BCAS3: variants seen among roughly 807,000 people sequenced by gnomAD.
BCAS3 encodes BCAS4/BCAS3 fusion.
In BCAS3, 53 loss-of-function variants were observed where a neutral mutation model predicts 116.1. That is an observed-to-expected ratio of 0.46 (90% CI 0.37 to 0.57). The LOEUF is 0.57. Among genes scored for constraint, BCAS3 ranks in the 20% least tolerant of loss-of-function variants. The probability of loss-of-function intolerance (pLI) is 0.00; values close to 1 mark genes in which losing one functional copy is unlikely to be tolerated. For synonymous variants in BCAS3, 391 were observed against 408.2 expected (o/e 0.96, Z 0.51); for missense variants, 917 against 1,165.4 (o/e 0.79, Z 3.10).
chr17:61,004,603 A>G lies in BCAS3; in HGVS notation c.1487-11148A>G, dbSNP rs979945878. ...GGACAACAAGACAGGGATCAGGGCTATACCAGGATTATGCACAGAAGTAGA... is the reference window on the plus strand; with the variant it reads ...GGACAACAAGACAGGGATCAGGGCTGTACCAGGATTATGCACAGAAGTAGA... On this transcript the variant is annotated intron_variant, in intron 15 of 23. Coordinates refer to ENST00000407086, the MANE Select transcript of BCAS3 (RefSeq NM_017679.5). This position sits in a 1 kb window ranked among gnomAD's most constrained non-coding sequence, Gnocchi z 4.8. 7.9e-5 allele frequency among the ~76,000 whole-genome samples: 12 copies of G among 152,180 alleles called. No homozygotes were observed. Among genetic ancestry groups the G allele is most frequent in the African/African-American group, 2.9e-4 (12 of 41,448 alleles).
intron 5 of BCAS3, among the ~76,000 whole-genome samples, chr17:60,733,035 A>G (rs1045019478): frequency 6.6e-6 from 1 of 152,308 alleles, no homozygotes; most frequent in South Asian, 2.1e-4. Context: ...TCATTCATCA[A>G]TTTATTCATT....
At chr17:61,280,066 T>G (rs1438184238) in intron 22 of BCAS3, among the ~76,000 whole-genome samples, 1 of 152,150 alleles carries the variant, frequency 6.6e-6, no homozygotes, top group Admixed American at 6.5e-5. Flanking sequence ...ATCCTCTGGT[T>G]CAACAAAGAG....
At chr17:60,758,168 A>G (rs986114270) in intron 6 of BCAS3, among the ~76,000 whole-genome samples, 4 of 152,154 alleles carry the variant, frequency 2.6e-5, no homozygotes, top group African/African-American at 7.2e-5. Context: ...CTTGTAATAT[A>G]TTTTAAAGTC....
chr17:61,280,545 A>G (rs1305295111), intron 22 of BCAS3, among the ~76,000 whole-genome samples: 1 of 152,232 alleles, frequency 6.6e-6, no homozygotes, highest in African/African-American at 2.4e-5. Flanking sequence ...ATCTTGTATG[A>G]GTAATTTATT....
At chr17:60,735,050 A>G (rs1189328971) in intron 5 of BCAS3, among the ~76,000 whole-genome samples, 1 of 152,078 alleles carries the variant, frequency 6.6e-6, no homozygotes. Flanking sequence ...ATTTTATTAG[A>G]TTTATACCTA....
At chr17:61,338,888 GAAAAAAAAAAAAAAAAAAA>G (rs57701817) in intron 22 of BCAS3, among the ~76,000 whole-genome samples, 3 of 67,278 alleles carry the variant, frequency 4.5e-5, no homozygotes, top group African/African-American at 1.4e-4. Flanking sequence ...CCCTTACTGG[GAAAAAAAAAAAAAAAAAAA>G]AAAAAAAAAG....
intron 22 of BCAS3, among the ~76,000 whole-genome samples, chr17:61,178,974 G>A (rs1601751853): frequency 6.6e-6 from 1 of 152,176 alleles, no homozygotes; most frequent in East Asian, 1.9e-4. Context: ...TCCTGGGCTT[G>A]GGTTGAGGAA....
rs2079481534 is a variant in BCAS3 at position 61,181,541 on chromosome 17, G to A, written c.2425+96977G>A. On this transcript the variant is annotated intron_variant, in intron 22 of 23. Transcript: ENST00000407086. The surrounding 1 kb of genome is among the most constrained non-coding windows in gnomAD (Gnocchi z 5.0). The stretch of plus-strand genomic sequence containing the variant: ...CTATTTTAATCATTTCCCTTTGATA[G>A]TCTGGTCATTTCTTTTGTCTTTTGA... Among the ~76,000 whole-genome samples, 3 of 152,178 alleles carry A rather than the reference G, an allele frequency of 2.0e-5. No homozygotes were observed. In the South Asian group the frequency reaches 6.2e-4, roughly 31 times the overall value.
chr17:61,334,923 C>T (rs1025456913), intron 22 of BCAS3, among the ~76,000 whole-genome samples: 3 of 152,010 alleles, frequency 2.0e-5, no homozygotes, highest in African/African-American at 7.3e-5. Context: ...ACCTGGCCTT[C>T]GCAGAAGTTG....
Position 61,038,050 on chromosome 17 carries a change from G to A in BCAS3, c.1924G>A (p.Val642Ile), listed in dbSNP as rs766648044. 3.1e-6 allele frequency: 5 copies of A among 1,613,366 alleles called. No individual in the cohort carries two copies. The highest frequency in any genetic ancestry group is 1.7e-4 in the Middle Eastern group (1 of 6,052). Reference sequence around the variant, plus strand: ...ATCGCCTCGAGCCAGCTGGACTCTGGTTAGGTAGTACCTCTTTTCTTTTTT... The same window carrying A: ...ATCGCCTCGAGCCAGCTGGACTCTGATTAGGTAGTACCTCTTTTCTTTTTT... ...MTSPRASWTL[V>I]RTPQWNELQP... Residue 642 changes from valine to isoleucine, a missense_variant, in exon 18 of 24, where the codon GTT becomes ATT. This residue lies in a region of BCAS3 where 807 missense variants were observed against 1,026.0 expected (regional missense o/e 0.79). Coordinates refer to ENST00000407086, the MANE Select transcript of BCAS3 (RefSeq NM_017679.5).
chr17:61,234,131 C>A (rs2082854192), intron 22 of BCAS3, among the ~76,000 whole-genome samples: 1 of 152,120 alleles, frequency 6.6e-6, no homozygotes, highest in South Asian at 2.1e-4. Flanking sequence ...CAGAAATTCA[C>A]AATAGAAACC....
At chr17:60,822,677 TAC>T (rs1253543297) in intron 7 of BCAS3, among the ~76,000 whole-genome samples, 2 of 152,206 alleles carry the variant, frequency 1.3e-5, no homozygotes, top group African/African-American at 4.8e-5. Context: ...CTTTGAAATG[TAC>T]AGTTTCCAAT....
chr17:61,391,741 G>C lies in BCAS3; in HGVS notation c.2594-236G>C. The C allele has an allele frequency of 1.8e-6, 1 of 547,744 alleles. No homozygotes were observed. The highest frequency in any genetic ancestry group is 3.3e-6 in the Non-Finnish European group (1 of 306,842). 33.9% of individuals were successfully genotyped at this position (547,744 alleles called of 1,614,324 possible). A position where few individuals can be genotyped will look rare whatever the true frequency, so the allele number is the denominator to read the frequency against. Reference sequence around the variant, plus strand: ...CGGGCCTAAAGGGCTTCCCGCAGCAGGGAGACGGTGCTCTCACACCAGAGT... The same window carrying C: ...CGGGCCTAAAGGGCTTCCCGCAGCACGGAGACGGTGCTCTCACACCAGAGT... On this transcript the variant is annotated intron_variant, in intron 23 of 23. Coordinates refer to ENST00000407086, the MANE Select transcript of BCAS3 (RefSeq NM_017679.5). The surrounding 1 kb of genome is among the most constrained non-coding windows in gnomAD (Gnocchi z 7.7).
chr17:61,148,991 A>G (rs1429257904), intron 22 of BCAS3, among the ~76,000 whole-genome samples: 1 of 152,226 alleles, frequency 6.6e-6, no homozygotes, highest in African/African-American at 2.4e-5. Context: ...ATCAAACAAA[A>G]GCTCTGTTGA....
chr17:60,757,392 A>ATGTGTGTGTG (rs879448369), intron 6 of BCAS3, among the ~76,000 whole-genome samples: 14 of 132,778 alleles, frequency 1.1e-4, no homozygotes, highest in African/African-American at 4.1e-4. Flanking sequence ...GCCAGCATGT[A>ATGTGTGTGTG]TATGTGTGTG....
At chr17:60,799,381 C>T (rs79698827) in intron 6 of BCAS3, among the ~76,000 whole-genome samples, 9 of 152,180 alleles carry the variant, frequency 5.9e-5, no homozygotes, top group Non-Finnish European at 8.8e-5. Context: ...AGCACTGTTC[C>T]GTCACCACAA....
chr17:60,823,750 A>G (rs1279307705), intron 7 of BCAS3, among the ~76,000 whole-genome samples: 2 of 152,228 alleles, frequency 1.3e-5, no homozygotes, highest in African/African-American at 2.4e-5. Flanking sequence ...AATACACTAC[A>G]TGGAGAATGA....
chr17:60,739,883 G>GT (rs910155139), intron 5 of BCAS3, among the ~76,000 whole-genome samples: 114 of 143,528 alleles, frequency 7.9e-4, no homozygotes, highest in African/African-American at 1.1e-3. Flanking sequence ...TTTTGTTTTT[G>GT]TTTTTTTTTT....
chr17:60,697,753 G>T (rs1424527969), intron 4 of BCAS3, among the ~76,000 whole-genome samples: 1 of 152,136 alleles, frequency 6.6e-6, no homozygotes, highest in Non-Finnish European at 1.5e-5. Context: ...GACTGGACAA[G>T]GTTTTGAAGG....
Sources: gnomAD v4.1 joint callset for allele counts (sites outside exome capture counted in the v4.1 genomes callset) on GRCh38, gnomAD v4.1.1 for gene constraint, gnomAD v4.1.1 regional missense constraint, Gnocchi (gnomAD v3.1) non-coding constraint, MANE v1.5 for transcripts, NCBI Gene and HGNC (gene_info 2026-07-23, HGNC 2026-07-21) for gene names.